KDM7A: variants seen among roughly 807,000 people sequenced by gnomAD.
KDM7A encodes the protein lysine-specific demethylase 7A.
KDM7A carries 28 observed loss-of-function variants against 114.8 expected under a neutral mutation model. The ratio of observed to expected loss-of-function variants is 0.24; its 90% CI spans 0.18 to 0.33. KDM7A has a LOEUF of 0.33. Among genes scored for constraint, KDM7A ranks in the 10% least tolerant of loss-of-function variants. The pLI is 1.00. For missense variants in KDM7A, 942 were observed against 1,142.5 expected, an observed-to-expected ratio of 0.82 and a Z score of 2.53; for synonymous variants, 423 against 397.8, an observed-to-expected ratio of 1.06 and a Z score of -0.75.
At chr7:140,131,407 C>T (rs974186995) in intron 3 of KDM7A, among the ~76,000 whole-genome samples, 1 of 152,184 alleles carries the variant, frequency 6.6e-6, no homozygotes, top group Non-Finnish European at 1.5e-5. Context: ...ATAGTCTCCA[C>T]TTATACAATC....
chr7:140,168,120 G>T (rs1794598143), intron 1 of KDM7A, among the ~76,000 whole-genome samples: 1 of 152,182 alleles, frequency 6.6e-6, no homozygotes, highest in African/African-American at 2.4e-5. Flanking sequence ...CTGATGACAA[G>T]GATCTAGAGA....
chr7:140,147,051 A>G (rs575160679), intron 1 of KDM7A, among the ~76,000 whole-genome samples: 1 of 152,226 alleles, frequency 6.6e-6, no homozygotes, highest in East Asian at 1.9e-4. Context: ...TAGTCTTCAA[A>G]GCCCCAAATT....
rs909182514 is a variant in KDM7A, at chr7:140,091,321, T to C, written c.2732-133A>G. Reference sequence around the variant, plus strand: ...TTCTGCATGGACAGAGTCATACTTCTGAACTTCCGCTGTTTAAAACCCTTC... The same window carrying C: ...TTCTGCATGGACAGAGTCATACTTCCGAACTTCCGCTGTTTAAAACCCTTC... On this transcript the variant is annotated intron_variant, in intron 19 of 19. Transcript: ENST00000397560. 3.1e-5 allele frequency: 21 copies of C among 674,770 alleles called. No homozygotes were observed. In the Admixed American group the frequency reaches 3.3e-4, roughly 11 times the overall value. 41.8% of individuals were successfully genotyped at this position (674,770 alleles called of 1,614,324 possible).
chr7:140,120,014 G>A (rs1259098995), intron 8 of KDM7A, among the ~76,000 whole-genome samples: 1 of 152,164 alleles, frequency 6.6e-6, no homozygotes, highest in Non-Finnish European at 1.5e-5. Flanking sequence ...TCATATAGAG[G>A]AGAAACAGCT....
intron 1 of KDM7A, among the ~76,000 whole-genome samples, chr7:140,154,018 A>G (rs981243439): frequency 7.2e-5 from 11 of 152,154 alleles, no homozygotes; most frequent in Admixed American, 7.2e-4. Context: ...GTGATTTCTG[A>G]TCTGCATACT....
chr7:140,103,555 T>C (rs1229222966), intron 11 of KDM7A, among the ~76,000 whole-genome samples: 1 of 151,332 alleles, frequency 6.6e-6, no homozygotes, highest in African/African-American at 2.4e-5. Flanking sequence ...AGTGAGAACA[T>C]GCGGTGTTTG....
chr7:140,091,265 GCTTT>G (rs1307278724), intron 19 of KDM7A, 77 bp from the exon 20 acceptor site: 2 of 989,270 alleles, frequency 2.0e-6, no homozygotes, highest in Non-Finnish European at 3.3e-6. Context: ...TACGGGGAGA[GCTTT>G]CTTTATGGGA....
chr7:140,106,656 T>A (rs1818341798), intron 11 of KDM7A, among the ~76,000 whole-genome samples: 1 of 152,192 alleles, frequency 6.6e-6, no homozygotes, highest in Admixed American at 6.5e-5. Flanking sequence ...GAGAGACAGT[T>A]TGTTATAGTT....
At position 140,139,114 on chromosome 7, in the gene KDM7A, A is replaced by T. The variant is rs549915883; in HGVS notation, c.271T>A (p.Ser91Thr). 42 of 1,608,214 alleles carry T rather than the reference A, an allele frequency of 2.6e-5. No individual in the cohort carries two copies. Among genetic ancestry groups the T allele is most frequent in the Non-Finnish European group, 3.5e-5 (41 of 1,175,130 alleles). The change falls in exon 2 of 20, where the codon TCC becomes ACC. Residue 91 changes from serine to threonine, a missense_variant. Transcript: ENST00000397560. ...AGCATCTAGTACTTACTCAAGGAGGAACCATGTAAAACTGCACAGTTGGGA... is the reference window on the plus strand; with the variant it reads ...AGCATCTAGTACTTACTCAAGGAGGTACCATGTAAAACTGCACAGTTGGGA... The part of the protein sequence containing the change: ...HCPNCAVLHG[S>T]SLMKKRRNWH...
chr7:140,160,493 T>C (rs914149375), intron 1 of KDM7A, among the ~76,000 whole-genome samples: 1 of 152,214 alleles, frequency 6.6e-6, no homozygotes, highest in Non-Finnish European at 1.5e-5. Context: ...CTGCAAGAGA[T>C]AAGCACAGGA....
rs1020961831 is a variant in KDM7A, at chr7:140,089,838, A to C, written c.*1256T>G. ...CCATTTTACTCCAAATCCATATCTTAAGTAATTCTTTAGAAAATTAAGAAA... is the reference window on the plus strand; with the variant it reads ...CCATTTTACTCCAAATCCATATCTTCAGTAATTCTTTAGAAAATTAAGAAA... On this transcript the variant is annotated 3_prime_UTR_variant, in exon 20 of 20. Coordinates refer to ENST00000397560, the MANE Select transcript of KDM7A (RefSeq NM_030647.2). The C allele has an allele frequency of 3.9e-5, 6 of 152,342 alleles. No individual in the cohort carries two copies. The East Asian group carries it at 1.2e-3, about 29-fold the overall frequency. 9.4% of individuals were successfully genotyped at this position (152,342 alleles called of 1,614,324 possible).
At chr7:140,137,287 T>C (rs1818887149) in intron 2 of KDM7A, among the ~76,000 whole-genome samples, 1 of 152,210 alleles carries the variant, frequency 6.6e-6, no homozygotes, top group African/African-American at 2.4e-5. Context: ...ATGGATTGTG[T>C]AATCAATTTA....
chr7:140,129,263 A>G (rs1003222754), intron 4 of KDM7A, among the ~76,000 whole-genome samples: 1 of 152,242 alleles, frequency 6.6e-6, no homozygotes, highest in Non-Finnish European at 1.5e-5. Flanking sequence ...CACAAAAGAA[A>G]GCAGCAGGAT....
At chr7:140,097,136 G>C (rs1334237169) in intron 15 of KDM7A, 89 bp from the exon 16 acceptor site, 1 of 896,980 alleles carries the variant, frequency 1.1e-6, no homozygotes, top group East Asian at 2.5e-5. Context: ...TACATCTAGA[G>C]AAAGTCAGAA....
At chr7:140,150,788 A>G (rs1794391141) in intron 1 of KDM7A, among the ~76,000 whole-genome samples, 2 of 151,942 alleles carry the variant, frequency 1.3e-5, no homozygotes, top group Non-Finnish European at 2.9e-5. Context: ...CCTTTGCTCT[A>G]CAGGGAAAGT....
chr7:140,163,195 C>T (rs1264265244), intron 1 of KDM7A, among the ~76,000 whole-genome samples: 2 of 152,004 alleles, frequency 1.3e-5, no homozygotes, highest in South Asian at 2.1e-4. Flanking sequence ...GGGGTTTCAC[C>T]GTGTTAGCCA....
rs1818005268 is a variant in KDM7A at position 140,090,804 on chromosome 7, GAC to G, written c.*288_*289del. 2 of 362,936 alleles carry G rather than the reference GAC, an allele frequency of 5.5e-6. No individual in the cohort carries two copies. The highest frequency in any genetic ancestry group is 8.3e-5 in the East Asian group (2 of 24,124). The allele number at this position is 362,936 out of a possible 1,614,324, so 22.5% of individuals were successfully genotyped here. A position where few individuals can be genotyped will look rare whatever the true frequency, so the allele number is the denominator to read the frequency against. ...TACCCTACCACTGAAAATACATCAAGACACTACCAACAACAAAATAAAATTCA... is the reference window on the plus strand; with the variant it reads ...TACCCTACCACTGAAAATACATCAAGACTACCAACAACAAAATAAAATTCA... On this transcript the variant is annotated 3_prime_UTR_variant, in exon 20 of 20. Transcript: ENST00000397560.
intron 7 of KDM7A, among the ~76,000 whole-genome samples, chr7:140,121,587 G>A (rs1337778576): frequency 6.6e-6 from 1 of 152,304 alleles, no homozygotes; most frequent in Non-Finnish European, 1.5e-5. Context: ...GTTTTGGAAC[G>A]TTTAGGGGCT....
chr7:140,176,223 G>A lies in KDM7A; in HGVS notation c.194+521C>T, dbSNP rs985339324. The stretch of plus-strand genomic sequence containing the variant: ...TAAAGACGGGGAAGGGGGCGCGACA[G>A]GGACCCGCGGCGCGGAGGAGACGCG... On this transcript the variant is annotated intron_variant, in intron 1 of 19. Coordinates refer to ENST00000397560, the MANE Select transcript of KDM7A (RefSeq NM_030647.2). The surrounding 1 kb of genome is among the most constrained non-coding windows in gnomAD (Gnocchi z 4.4). 3.3e-5 allele frequency among the ~76,000 whole-genome samples: 5 copies of A among 151,554 alleles called. No individual in the cohort carries two copies. The highest frequency in any genetic ancestry group is 6.6e-5 in the Admixed American group (1 of 15,250).
Sources: gnomAD v4.1 joint callset for allele counts (sites outside exome capture counted in the v4.1 genomes callset) on GRCh38, gnomAD v4.1.1 for gene constraint, Gnocchi (gnomAD v3.1) non-coding constraint, MANE v1.5 for transcripts, NCBI Gene and HGNC (gene_info 2026-07-23, HGNC 2026-07-21) for gene names.